Variants in NDUFAF2 observed in about 807,000 individuals in gnomAD.
NDUFAF2 encodes the protein NADH dehydrogenase [ubiquinone] 1 alpha subcomplex assembly factor 2.
NDUFAF2 carries 13 observed loss-of-function variants against 22.8 expected under a neutral mutation model. The observed-to-expected ratio is 0.57, with a 90% CI of 0.37 to 0.91. The LOEUF is 0.91. Among genes scored for constraint, NDUFAF2 ranks in the 40% least tolerant of loss-of-function variants. The probability of loss-of-function intolerance (pLI) is 0.01; values close to 1 mark genes in which losing one functional copy is unlikely to be tolerated. For missense variants in NDUFAF2, 162 were observed against 195.2 expected, an observed-to-expected ratio of 0.83 and a Z score of 1.01; for synonymous variants, 53 against 64.2, an observed-to-expected ratio of 0.83 and a Z score of 0.84.
At chr5:61,056,919 AAT>A (rs1174310851) in intron 1 of NDUFAF2, among the ~76,000 whole-genome samples, 339 of 28,774 alleles carry the variant, frequency 0.012, 5 homozygotes, top group Middle Eastern at 0.028. Context: ...AAAAAAAAAA[AAT>A]ATATATATAT....
chr5:61,113,177 T>A (rs1225944422), intron 3 of NDUFAF2, among the ~76,000 whole-genome samples: 1 of 152,192 alleles, frequency 6.6e-6, no homozygotes, highest in East Asian at 1.9e-4. Context: ...TATGAATAGT[T>A]CACAAATATT....
At chr5:61,079,984 G>A (rs534983170) in intron 2 of NDUFAF2, among the ~76,000 whole-genome samples, 2 of 152,198 alleles carry the variant, frequency 1.3e-5, no homozygotes, top group African/African-American at 4.8e-5. Context: ...ATTATTCAAT[G>A]TCCATTGTTT....
At chr5:60,975,273 G>A (rs1750887652) in intron 1 of NDUFAF2, among the ~76,000 whole-genome samples, 1 of 152,024 alleles carries the variant, frequency 6.6e-6, no homozygotes, top group Admixed American at 6.6e-5. Flanking sequence ...TAGGCTTGCT[G>A]TTATTTTGAA....
intron 1 of NDUFAF2, among the ~76,000 whole-genome samples, chr5:60,992,967 T>C (rs559477482): frequency 2.3e-4 from 35 of 152,084 alleles, no homozygotes; most frequent in Middle Eastern, 3.4e-3. Context: ...TTTGCCTGAG[T>C]TTTTCTTGGG....
At chr5:61,060,323 G>A (rs1242431731) in intron 1 of NDUFAF2, among the ~76,000 whole-genome samples, 3 of 152,050 alleles carry the variant, frequency 2.0e-5, no homozygotes, top group Admixed American at 6.6e-5. Context: ...ATTTGTAATG[G>A]TTCAGAATAA....
intron 1 of NDUFAF2, among the ~76,000 whole-genome samples, chr5:60,952,580 G>A (rs1346866740): frequency 6.6e-6 from 1 of 151,958 alleles, no homozygotes; most frequent in Non-Finnish European, 1.5e-5. Context: ...TAAATGTATT[G>A]TAAATTGTTT....
chr5:61,134,468 G>A (rs529761585), intron 3 of NDUFAF2, among the ~76,000 whole-genome samples: 3 of 152,282 alleles, frequency 2.0e-5, no homozygotes, highest in East Asian at 3.9e-4. Context: ...GACGGGTCAC[G>A]AGGTCAGGAG....
At chr5:61,131,746 TTATC>T (rs548701825) in intron 3 of NDUFAF2, among the ~76,000 whole-genome samples, 53 of 152,272 alleles carry the variant, frequency 3.5e-4, no homozygotes, top group Middle Eastern at 6.8e-3. Context: ...AGTATATATT[TTATC>T]TATAATTATA....
At chr5:61,078,742 C>T (rs1448468977) in intron 2 of NDUFAF2, among the ~76,000 whole-genome samples, 2 of 145,710 alleles carry the variant, frequency 1.4e-5, no homozygotes, top group Non-Finnish European at 3.0e-5. Context: ...CCCCGTCTCA[C>T]AAGAAAAAAA....
chr5:60,985,185 G>C (rs1259733846), intron 1 of NDUFAF2, among the ~76,000 whole-genome samples: 2 of 152,158 alleles, frequency 1.3e-5, no homozygotes, highest in African/African-American at 2.4e-5. Flanking sequence ...TTTTCGTAGA[G>C]GTGTTTATAG....
intron 3 of NDUFAF2, among the ~76,000 whole-genome samples, chr5:61,112,298 C>G (rs1292118896): frequency 1.3e-5 from 2 of 150,744 alleles, no homozygotes; most frequent in Non-Finnish European, 3.0e-5. Context: ...ACTGCAACCT[C>G]CAACTCCCTG....
At chr5:60,987,904 A>G (rs1269206252) in intron 1 of NDUFAF2, among the ~76,000 whole-genome samples, 1 of 152,190 alleles carries the variant, frequency 6.6e-6, no homozygotes, top group African/African-American at 2.4e-5. Context: ...TATTAAACAT[A>G]ATACTGGAAG....
intron 1 of NDUFAF2, among the ~76,000 whole-genome samples, chr5:61,056,187 A>G (rs1752084829): frequency 6.6e-6 from 1 of 152,178 alleles, no homozygotes; most frequent in Admixed American, 6.5e-5. Context: ...TTGTAGGTAA[A>G]TATCCAGGCA....
intron 1 of NDUFAF2, among the ~76,000 whole-genome samples, chr5:61,002,812 T>A (rs536328345): frequency 6.6e-6 from 1 of 152,260 alleles, no homozygotes; most frequent in East Asian, 1.9e-4. Flanking sequence ...AAATGAAAAT[T>A]TCCATCTGTT....
chr5:61,043,572 T>A (rs942032988), intron 1 of NDUFAF2, among the ~76,000 whole-genome samples: 2 of 152,076 alleles, frequency 1.3e-5, no homozygotes, highest in African/African-American at 4.8e-5. Flanking sequence ...GTAAGTGAGA[T>A]CTTGTGATAT....
intron 1 of NDUFAF2, among the ~76,000 whole-genome samples, chr5:60,966,696 A>C (rs1364476041): frequency 6.6e-6 from 1 of 152,098 alleles, no homozygotes; most frequent in Non-Finnish European, 1.5e-5. Flanking sequence ...TGGACATCCT[A>C]TTCTGTCCCA....
intron 2 of NDUFAF2, among the ~76,000 whole-genome samples, chr5:61,086,472 C>CTGA (rs1018611544): frequency 3.4e-4 from 51 of 152,156 alleles, no homozygotes; most frequent in African/African-American, 1.2e-3. Context: ...TGGAACCAAC[C>CTGA]TGAATATCCA....
chr5:61,068,674 A>G lies in NDUFAF2; in HGVS notation c.128-4451A>G, dbSNP rs768374145. Among the ~76,000 whole-genome samples the G allele has an allele frequency of 4.6e-5, 7 of 152,174 alleles. No homozygotes were observed. In the East Asian group the frequency reaches 7.7e-4, roughly 17 times the overall value. ...TCTTCAGTGAAGTTTTAATGAATCT[A>G]TTATTAGGATTAAGTTAATTGATTT... is the stretch of plus-strand genomic sequence containing the variant. On this transcript the variant is annotated intron_variant, in intron 1 of 3. Transcript: ENST00000296597.
At chr5:61,103,813 G>T (rs1752730283) in intron 3 of NDUFAF2, among the ~76,000 whole-genome samples, 1 of 152,032 alleles carries the variant, frequency 6.6e-6, no homozygotes, top group Non-Finnish European at 1.5e-5. Flanking sequence ...ACTTAGGATA[G>T]TTCAGCTTAG....
Sources: allele counts gnomAD v4.1 joint callset (sites outside exome capture counted in the v4.1 genomes callset), GRCh38; gene constraint gnomAD v4.1.1; transcripts MANE v1.5; gene names NCBI Gene and HGNC (gene_info 2026-07-23, HGNC 2026-07-21).